The following ATRNL1 variants were observed in gnomAD, a reference collection of about 807,000 sequenced individuals.
The protein encoded by ATRNL1 is attractin-like protein 1.
Under a neutral mutation model 182.7 loss-of-function variants are expected in ATRNL1, and 95 were observed. That is an observed-to-expected ratio of 0.52 (90% CI 0.44 to 0.62). The LOEUF (loss-of-function observed/expected upper bound fraction) is 0.62. ATRNL1 is among the 20% of genes least tolerant of loss of function. ATRNL1 has a pLI of 0.00. For missense variants in ATRNL1, 1,471 were observed against 1,679.5 expected (o/e 0.88, Z 2.17); for synonymous variants, 576 against 568.3 (o/e 1.01, Z -0.19).
chr10:115,520,417 T>A (rs1375544912), intron 25 of ATRNL1, among the ~76,000 whole-genome samples: 1 of 152,248 alleles, frequency 6.6e-6, no homozygotes, highest in Non-Finnish European at 1.5e-5. Flanking sequence ...TGTATGGTCT[T>A]CATCGCATCT....
chr10:115,420,548 A>G (rs544079196), intron 20 of ATRNL1, among the ~76,000 whole-genome samples: 3 of 152,336 alleles, frequency 2.0e-5, no homozygotes, highest in Admixed American at 1.3e-4. Context: ...CTTATGGGAT[A>G]TAGCAAAAAC....
intron 26 of ATRNL1, among the ~76,000 whole-genome samples, chr10:115,652,970 A>G (rs782188080): frequency 1.3e-5 from 2 of 152,172 alleles, no homozygotes; most frequent in Admixed American, 6.5e-5. Context: ...GTTAAAAACT[A>G]GAACTGAAGC....
At chr10:115,580,403 T>A (rs1854996878) in intron 26 of ATRNL1, among the ~76,000 whole-genome samples, 1 of 152,106 alleles carries the variant, frequency 6.6e-6, no homozygotes, top group Non-Finnish European at 1.5e-5. Context: ...TTTAGCATTT[T>A]GAATATATTT....
At chr10:115,531,744 G>T (rs1281293841) in intron 25 of ATRNL1, among the ~76,000 whole-genome samples, 42 of 150,778 alleles carry the variant, frequency 2.8e-4, no homozygotes, top group Non-Finnish European at 4.0e-4. Context: ...TTTTCTTCTA[G>T]GGTTTTTATG....
At chr10:115,730,624 G>A (rs1555062433) in intron 27 of ATRNL1, among the ~76,000 whole-genome samples, 1 of 151,922 alleles carries the variant, frequency 6.6e-6, no homozygotes, top group African/African-American at 2.4e-5. Context: ...TTACGTATTT[G>A]CTAGATCGGC....
chr10:115,760,577 A>G (rs563243768), intron 27 of ATRNL1, among the ~76,000 whole-genome samples: 1 of 152,252 alleles, frequency 6.6e-6, no homozygotes, highest in East Asian at 1.9e-4. Flanking sequence ...ATGTTGGGTT[A>G]TTGTTGGTAT....
In ATRNL1 at chr10:115,211,909, G is replaced by A. The variant is rs150781837; in HGVS notation, c.1349-3788G>A. ...CTTTTGGGATTATGGTGCTACAAAT[G>A]TTGGATCATTTGTTATTGTCCTAAG... On this transcript the variant is annotated intron_variant, in intron 8 of 28. Coordinates refer to ENST00000355044, the MANE Select transcript of ATRNL1 (RefSeq NM_207303.4). 3.4e-4 allele frequency among the ~76,000 whole-genome samples: 51 copies of A among 151,970 alleles called. No individual in the cohort carries two copies. The East Asian group carries it at 9.8e-3, about 29-fold the overall frequency.
chr10:115,569,500 G>C (rs1436089791), intron 26 of ATRNL1, among the ~76,000 whole-genome samples: 2 of 152,050 alleles, frequency 1.3e-5, no homozygotes, highest in Non-Finnish European at 2.9e-5. Context: ...GTCAAACTTT[G>C]GATTTTTGCT....
At chr10:115,726,362 T>C (rs1947597160) in intron 26 of ATRNL1, among the ~76,000 whole-genome samples, 1 of 151,700 alleles carries the variant, frequency 6.6e-6, no homozygotes, top group African/African-American at 2.4e-5. Context: ...TTAAAGAGTA[T>C]TTAATTGCAT....
intron 28 of ATRNL1, among the ~76,000 whole-genome samples, chr10:115,919,793 T>TGAG (rs1464999499): frequency 6.6e-6 from 1 of 152,124 alleles, no homozygotes; most frequent in African/African-American, 2.4e-5. Flanking sequence ...TGGTGACTGG[T>TGAG]GAGGGCCTTC....
chr10:115,172,468 G>A (rs1381158388), intron 8 of ATRNL1, among the ~76,000 whole-genome samples: 5 of 151,916 alleles, frequency 3.3e-5, no homozygotes, highest in Non-Finnish European at 7.4e-5. Flanking sequence ...ATGCACTTAA[G>A]TACTTCTCCT....
intron 27 of ATRNL1, among the ~76,000 whole-genome samples, chr10:115,790,967 C>T (rs1949517841): frequency 6.6e-6 from 1 of 152,084 alleles, no homozygotes. Flanking sequence ...TGTGAGATAA[C>T]CCAGAAGAGT....
At chr10:115,465,780 A>G (rs1159525985) in intron 22 of ATRNL1, among the ~76,000 whole-genome samples, 1 of 151,552 alleles carries the variant, frequency 6.6e-6, no homozygotes, top group Non-Finnish European at 1.5e-5. Flanking sequence ...ATTACTATGT[A>G]CTACTCTAAA....
chr10:115,375,296 C>A (rs782581397), intron 19 of ATRNL1, among the ~76,000 whole-genome samples: 1 of 151,742 alleles, frequency 6.6e-6, no homozygotes, highest in Non-Finnish European at 1.5e-5. Flanking sequence ...CACCCCTGAT[C>A]TCATTTGGTT....
chr10:115,266,188 C>T (rs868910623), intron 11 of ATRNL1, among the ~76,000 whole-genome samples: 1 of 151,598 alleles, frequency 6.6e-6, no homozygotes, highest in Admixed American at 6.6e-5. Flanking sequence ...GTTTTAAGGG[C>T]ATTGGCACTG....
chr10:115,124,573 C>G lies in ATRNL1; in HGVS notation c.491+2761C>G, dbSNP rs531101636. ...ATTGGCCATGAGGCTGAACTCAAAT[C>G]TCCAGCCCCTCCCATCCCCTTCTCT... On this transcript the variant is annotated intron_variant, in intron 3 of 28. Transcript: ENST00000355044. Among the ~76,000 whole-genome samples, 4 of 152,304 alleles carry G rather than the reference C, an allele frequency of 2.6e-5. No homozygotes were observed. In the South Asian group the frequency reaches 6.2e-4, roughly 24 times the overall value.
chr10:115,242,071 T>C (rs989370122), intron 10 of ATRNL1, among the ~76,000 whole-genome samples: 6 of 152,050 alleles, frequency 3.9e-5, no homozygotes, highest in Non-Finnish European at 8.8e-5. Flanking sequence ...TACTGTTGAA[T>C]TATGTAAATT....
chr10:115,685,910 G>A (rs1420633110), intron 26 of ATRNL1, among the ~76,000 whole-genome samples: 1 of 151,450 alleles, frequency 6.6e-6, no homozygotes, highest in African/African-American at 2.4e-5. Context: ...GCATAATGAT[G>A]AGAGTCTCAA....
chr10:115,793,013 AT>A lies in ATRNL1; in HGVS notation c.3904-54858del, dbSNP rs202007277. Among the ~76,000 whole-genome samples the A allele has an allele frequency of 7.3e-3, 1,103 of 152,120 alleles. 13 individuals carry two copies. The highest frequency in any genetic ancestry group is 0.01 in the Non-Finnish European group (688 of 67,868). ...TTGGAAGAATACAAATATACAAATG[AT>A]TTTTTCCATATAAGTAGTAAAACTT... On this transcript the variant is annotated intron_variant, in intron 27 of 28. Transcript: ENST00000355044.
Sources: gnomAD v4.1 joint callset for allele counts (sites outside exome capture counted in the v4.1 genomes callset) on GRCh38, gnomAD v4.1.1 for gene constraint, MANE v1.5 for transcripts, NCBI Gene and HGNC (gene_info 2026-07-23, HGNC 2026-07-21) for gene names.